Variants in SNX3 observed in about 807,000 individuals in gnomAD.
SNX3 encodes sorting nexin-3.
In SNX3, 5 loss-of-function variants were observed where a neutral mutation model predicts 17.7. The ratio of observed to expected loss-of-function variants is 0.28; its 90% CI spans 0.15 to 0.59. The LOEUF (loss-of-function observed/expected upper bound fraction) is 0.59. SNX3 is among the 20% of genes least tolerant of loss of function. The pLI is 0.88. For missense variants in SNX3, 132 were observed against 206.8 expected (o/e 0.64, Z 2.22); for synonymous variants, 91 against 76.5 (o/e 1.19, Z -0.99).
intron 1 of SNX3, among the ~76,000 whole-genome samples, chr6:108,224,892 G>A (rs1774928805): frequency 6.6e-6 from 1 of 152,166 alleles, no homozygotes; most frequent in Non-Finnish European, 1.5e-5. Context: ...TTCTTTTTAA[G>A]ATTGCAAAGG....
At chr6:108,233,911 A>T (rs745677544) in intron 1 of SNX3, among the ~76,000 whole-genome samples, 16 of 152,202 alleles carry the variant, frequency 1.1e-4, no homozygotes, top group Non-Finnish European at 2.2e-4. Flanking sequence ...TAAAGTCATT[A>T]TAAGTAAAAC....
At chr6:108,251,880 G>A (rs184232442) in intron 1 of SNX3, among the ~76,000 whole-genome samples, 1 of 152,036 alleles carries the variant, frequency 6.6e-6, no homozygotes, top group African/African-American at 2.4e-5. Flanking sequence ...TGGGCAACAC[G>A]ATGAAACCCC....
Position 108,244,682 on chromosome 6 carries a change from TG to T in SNX3, c.162+16077del, listed in dbSNP as rs1347902679. Among the ~76,000 whole-genome samples the T allele has an allele frequency of 1.7e-4, 25 of 146,690 alleles. 1 individual carries two copies. The highest frequency in any genetic ancestry group is 1.2e-4 in the Non-Finnish European group (8 of 66,886). Reference sequence around the variant, plus strand: ...TTTTTTTTTTTTTTTGCTCTGTTGTTGCCAGGCGGGAGTGCAGTGGCATGAT... The same window carrying T: ...TTTTTTTTTTTTTTTGCTCTGTTGTTCCAGGCGGGAGTGCAGTGGCATGAT... On this transcript the variant is annotated intron_variant, in intron 1 of 3. Coordinates refer to ENST00000230085, the MANE Select transcript of SNX3 (RefSeq NM_003795.6).
intron 2 of SNX3, among the ~76,000 whole-genome samples, chr6:108,216,558 C>T (rs529033179): frequency 8.5e-4 from 129 of 152,122 alleles, no homozygotes; most frequent in Admixed American, 2.6e-3. Flanking sequence ...TAGCTGGATC[C>T]TTACTTTAAA....
intron 3 of SNX3, among the ~76,000 whole-genome samples, chr6:108,213,535 C>T (rs1387176386): frequency 1.3e-5 from 2 of 151,716 alleles, no homozygotes; most frequent in South Asian, 2.1e-4. Context: ...AACTATAATC[C>T]CAACTACTCA....
chr6:108,249,220 C>G (rs1432446132), intron 1 of SNX3, among the ~76,000 whole-genome samples: 1 of 151,982 alleles, frequency 6.6e-6, no homozygotes, highest in African/African-American at 2.4e-5. Flanking sequence ...CACAAAACCC[C>G]ACAAATCATT....
intron 1 of SNX3, among the ~76,000 whole-genome samples, chr6:108,235,623 C>G (rs188401136): frequency 6.6e-6 from 1 of 152,152 alleles, no homozygotes; most frequent in Non-Finnish European, 1.5e-5. Context: ...GGGCCAGGCA[C>G]GGTGGCTCAC....
At chr6:108,229,223 G>A (rs183070601) in intron 1 of SNX3, among the ~76,000 whole-genome samples, 1 of 139,456 alleles carries the variant, frequency 7.2e-6, no homozygotes, top group Admixed American at 7.9e-5. Flanking sequence ...TCATGCCACT[G>A]CACTCCAGCC....
At chr6:108,229,840 A>C (rs897299000) in intron 1 of SNX3, among the ~76,000 whole-genome samples, 1 of 152,204 alleles carries the variant, frequency 6.6e-6, no homozygotes. Context: ...TTTAAATTGC[A>C]CTCTAAATAT....
At chr6:108,229,183 C>G (rs1775061757) in intron 1 of SNX3, among the ~76,000 whole-genome samples, 1 of 151,024 alleles carries the variant, frequency 6.6e-6, no homozygotes, top group Non-Finnish European at 1.5e-5. Context: ...TCGCTTGAAC[C>G]CGGGAGGCGG....
At position 108,254,332 on chromosome 6, in the gene SNX3, C is replaced by A. The variant is rs1174548807; in HGVS notation, c.162+6428G>T. 2.0e-5 allele frequency among the ~76,000 whole-genome samples: 3 copies of A among 152,138 alleles called. No homozygotes were observed. In the East Asian group the frequency reaches 5.8e-4, roughly 29 times the overall value. On this transcript the variant is annotated intron_variant, in intron 1 of 3. Coordinates refer to ENST00000230085, the MANE Select transcript of SNX3 (RefSeq NM_003795.6). Reference sequence around the variant, plus strand: ...CAAAAAAATTAGCCAGGCATAGTGGCGTGCTCCTGTAGCCCCAATTACTCA... The same window carrying A: ...CAAAAAAATTAGCCAGGCATAGTGGAGTGCTCCTGTAGCCCCAATTACTCA...
At chr6:108,238,101 C>CAAAAAAAAA (rs11287104) in intron 1 of SNX3, among the ~76,000 whole-genome samples, 3 of 85,436 alleles carry the variant, frequency 3.5e-5, no homozygotes, top group African/African-American at 1.4e-4. Context: ...GATCCTGTCT[C>CAAAAAAAAA]AAAAAAAAAA....
At chr6:108,216,835 A>T (rs1017536741) in intron 2 of SNX3, among the ~76,000 whole-genome samples, 8 of 152,244 alleles carry the variant, frequency 5.3e-5, no homozygotes, top group African/African-American at 1.9e-4. Flanking sequence ...AATAAACTTT[A>T]TAATCCCTTC....
chr6:108,255,267 GACA>G (rs1227159377), intron 1 of SNX3, among the ~76,000 whole-genome samples: 2 of 152,212 alleles, frequency 1.3e-5, no homozygotes, highest in Non-Finnish European at 2.9e-5. Flanking sequence ...ATGTGTAACA[GACA>G]ACATCTCATT....
At chr6:108,213,181 A>T (rs903061911) in intron 3 of SNX3, among the ~76,000 whole-genome samples, 2 of 151,944 alleles carry the variant, frequency 1.3e-5, no homozygotes, top group Non-Finnish European at 2.9e-5. Context: ...GATCCACTGT[A>T]CCAGGCCAGA....
intron 2 of SNX3, among the ~76,000 whole-genome samples, chr6:108,218,006 C>G (rs760679762): frequency 6.6e-6 from 1 of 152,062 alleles, no homozygotes; most frequent in Non-Finnish European, 1.5e-5. Flanking sequence ...TACTGTAATA[C>G]GAGTAAAACT....
At chr6:108,215,232 C>T (rs1582466150) in intron 2 of SNX3, among the ~76,000 whole-genome samples, 1 of 152,074 alleles carries the variant, frequency 6.6e-6, no homozygotes, top group East Asian at 1.9e-4. Flanking sequence ...CGCCTGTAGG[C>T]CCAACTACTC....
intron 2 of SNX3, among the ~76,000 whole-genome samples, chr6:108,216,552 T>C (rs1356847034): frequency 2.0e-5 from 3 of 152,138 alleles, no homozygotes; most frequent in Non-Finnish European, 4.4e-5. Flanking sequence ...ACCACTTAGC[T>C]GGATCCTTAC....
chr6:108,247,630 C>T (rs1187246200), intron 1 of SNX3, among the ~76,000 whole-genome samples: 1 of 152,108 alleles, frequency 6.6e-6, no homozygotes, highest in Non-Finnish European at 1.5e-5. Flanking sequence ...GATCTTCCCA[C>T]CTCTGCCTCC....
Sources: gnomAD v4.1 joint callset for allele counts (sites outside exome capture counted in the v4.1 genomes callset) on GRCh38, gnomAD v4.1.1 for gene constraint, MANE v1.5 for transcripts, NCBI Gene and HGNC (gene_info 2026-07-23, HGNC 2026-07-21) for gene names.